Variants in DAB1 observed in about 807,000 individuals in gnomAD.
DAB1 encodes DAB adaptor protein 1, also known as disabled homolog 1.
Under a neutral mutation model 64.6 loss-of-function variants are expected in DAB1, and 15 were observed. The observed-to-expected ratio is 0.23, with a 90% confidence interval of 0.16 to 0.36. DAB1 has a LOEUF of 0.36. DAB1 is among the 10% of genes least tolerant of loss of function. DAB1 has a pLI of 1.00. For missense variants in DAB1, 596 were observed against 706.7 expected (o/e 0.84, Z 1.78); for synonymous variants, 235 against 251.9 (o/e 0.93, Z 0.64).
chr1:58,090,216 G>GA (rs80340162), intron 5 of DAB1, among the ~76,000 whole-genome samples: 38,017 of 151,942 alleles, frequency 0.25, 5,583 homozygotes, highest in East Asian at 0.41. Context: ...GTAGGGTCAG[G>GA]AAAAAATCCA....
intron 1 of DAB1, among the ~76,000 whole-genome samples, chr1:57,293,185 C>T (rs1256610660): frequency 6.6e-6 from 1 of 152,064 alleles, no homozygotes; most frequent in Non-Finnish European, 1.5e-5. Context: ...TTTCCTTGTG[C>T]TGCTATCTTT....
chr1:58,300,706 A>T (rs1465174257), intron 4 of DAB1, among the ~76,000 whole-genome samples: 3 of 146,410 alleles, frequency 2.0e-5, no homozygotes, highest in Non-Finnish European at 4.5e-5. Flanking sequence ...GGAAGGAAGG[A>T]AGGAAGGAAG....
intron 1 of DAB1, among the ~76,000 whole-genome samples, chr1:57,305,528 G>A (rs1674063118): frequency 6.6e-6 from 1 of 152,146 alleles, no homozygotes; most frequent in South Asian, 2.1e-4. Flanking sequence ...CTGGAGGGGT[G>A]AGCAGAAGAC....
At chr1:57,426,926 C>G (rs1222557453), upstream of DAB1, among the ~76,000 whole-genome samples, 3 of 150,878 alleles carry the variant, frequency 2.0e-5, no homozygotes, top group East Asian at 3.9e-4. Flanking sequence ...TGCAGTGGCG[C>G]GATCTCGGCT....
intron 4 of DAB1, among the ~76,000 whole-genome samples, chr1:57,078,887 C>T (rs2100618535): frequency 6.6e-6 from 1 of 152,222 alleles, no homozygotes; most frequent in Non-Finnish European, 1.5e-5. Context: ...ACAAAATATT[C>T]CCTGCAGTGC....
chr1:58,021,980 C>T (rs1646821728), intron 5 of DAB1, among the ~76,000 whole-genome samples: 1 of 152,112 alleles, frequency 6.6e-6, no homozygotes, highest in Non-Finnish European at 1.5e-5. Flanking sequence ...TATTCCTGAC[C>T]ATCTGGGAAG....
intron 6 of DAB1, among the ~76,000 whole-genome samples, chr1:57,820,577 T>C (rs1408712722): frequency 6.6e-6 from 1 of 152,248 alleles, no homozygotes; most frequent in African/African-American, 2.4e-5. Flanking sequence ...CTGGTTTAAA[T>C]ACATTTCGAA....
chr1:57,103,310 G>T (rs1263003158), intron 4 of DAB1, among the ~76,000 whole-genome samples: 1 of 152,092 alleles, frequency 6.6e-6, no homozygotes, highest in Non-Finnish European at 1.5e-5. Context: ...TTCTCCTCAG[G>T]TGCCAACACC....
At chr1:57,577,263 G>A (rs189776052) in intron 7 of DAB1, among the ~76,000 whole-genome samples, 40 of 152,066 alleles carry the variant, frequency 2.6e-4, no homozygotes, top group Non-Finnish European at 5.3e-4. Context: ...TTTCCTCCTC[G>A]TAACAGCTCA....
intron 4 of DAB1, among the ~76,000 whole-genome samples, chr1:58,276,381 G>A (rs996093330): frequency 6.6e-6 from 1 of 151,980 alleles, no homozygotes; most frequent in African/African-American, 2.4e-5. Flanking sequence ...TTTTCTCTCT[G>A]TTCCTAAAAG....
chr1:57,003,997 C>T (rs2100227622), intron 14 of DAB1, among the ~76,000 whole-genome samples: 1 of 152,252 alleles, frequency 6.6e-6, no homozygotes. Flanking sequence ...TAAACATACT[C>T]AGGTCTTTTT....
intron 1 of DAB1, among the ~76,000 whole-genome samples, chr1:57,850,389 C>CA (rs925187487): frequency 6.6e-6 from 1 of 151,470 alleles, no homozygotes; most frequent in African/African-American, 2.4e-5. Context: ...TGCCCAAGGA[C>CA]ACGCTGTAAA....
intron 7 of DAB1, among the ~76,000 whole-genome samples, chr1:57,069,977 A>T (rs192938323): frequency 1.2e-3 from 181 of 152,358 alleles, no homozygotes; most frequent in African/African-American, 4.1e-3. Context: ...CATTTCAAAA[A>T]GGCTATTATT....
At chr1:57,381,583 G>A (rs916622562) in intron 1 of DAB1, among the ~76,000 whole-genome samples, 1 of 152,096 alleles carries the variant, frequency 6.6e-6, no homozygotes, top group African/African-American at 2.4e-5. Flanking sequence ...CCGGGAAGCA[G>A]CCCCGTCACA....
intron 7 of DAB1, among the ~76,000 whole-genome samples, chr1:57,536,855 G>C (rs1004243849): frequency 2.0e-5 from 3 of 151,968 alleles, no homozygotes; most frequent in Non-Finnish European, 4.4e-5. Context: ...CCCATAGTTT[G>C]GAATGTAGAG....
At chr1:58,286,614 T>C (rs1168003497) in intron 4 of DAB1, among the ~76,000 whole-genome samples, 1 of 152,148 alleles carries the variant, frequency 6.6e-6, no homozygotes, top group African/African-American at 2.4e-5. Context: ...CAAACTACAA[T>C]GAGATACTAT....
At chr1:57,188,552 T>A (rs1663823127) in intron 2 of DAB1, among the ~76,000 whole-genome samples, 1 of 152,166 alleles carries the variant, frequency 6.6e-6, no homozygotes, top group Admixed American at 6.5e-5. Flanking sequence ...TATTCTCACA[T>A]CTCATTTATC....
At chr1:57,551,345 C>G (rs1644912236) in intron 7 of DAB1, among the ~76,000 whole-genome samples, 1 of 152,160 alleles carries the variant, frequency 6.6e-6, no homozygotes. Context: ...GCCAGCCTCT[C>G]CCTTGGTAGA....
intron 1 of DAB1, among the ~76,000 whole-genome samples, chr1:57,351,179 G>C (rs1258790975): frequency 6.6e-6 from 1 of 152,160 alleles, no homozygotes; most frequent in Middle Eastern, 3.2e-3. Context: ...ACTAGGGAGT[G>C]ACAGAACTGG....
Sources: gnomAD v4.1 joint callset for allele counts (sites outside exome capture counted in the v4.1 genomes callset) on GRCh38, gnomAD v4.1.1 for gene constraint, MANE v1.5 for transcripts, NCBI Gene and HGNC (gene_info 2026-07-23, HGNC 2026-07-21) for gene names.